SPMAP2L: variants seen among roughly 807,000 people sequenced by gnomAD.
SPMAP2L encodes sperm microtubule associated protein 2 like, also known as sperm microtubule associated protein 2-like.
chr4:56,617,596 C>T, the SPMAP2L span, among the ~76,000 whole-genome samples: 3 of 152,086 alleles, frequency 2.0e-5, no homozygotes, highest in African/African-American at 4.8e-5. Context: ...CTAGGGGTGC[C>T]GTTTACAGCT....
chr4:56,532,407 C>G, the SPMAP2L span, among the ~76,000 whole-genome samples: 2 of 151,316 alleles, frequency 1.3e-5, no homozygotes, highest in Non-Finnish European at 2.9e-5. Context: ...TTCACTTATG[C>G]TTTAGATACC....
At chr4:56,568,933 CTTCTT>C in the SPMAP2L span, among the ~76,000 whole-genome samples, 1 of 152,150 alleles carries the variant, frequency 6.6e-6, no homozygotes, top group East Asian at 1.9e-4. Context: ...TTGTGACTGT[CTTCTT>C]TTGCTTAGCA....
At chr4:56,554,910 T>C in the SPMAP2L span, among the ~76,000 whole-genome samples, 2 of 151,660 alleles carry the variant, frequency 1.3e-5, no homozygotes, top group Non-Finnish European at 2.9e-5. Flanking sequence ...GTTGTTCCAG[T>C]ACCATTTGTT....
the SPMAP2L span, among the ~76,000 whole-genome samples, chr4:56,611,068 T>C: frequency 2.0e-5 from 3 of 152,322 alleles, no homozygotes; most frequent in African/African-American, 7.2e-5. Flanking sequence ...AGAACTATCA[T>C]TTGATCCAGC....
chr4:56,595,764 C>A, the SPMAP2L span: 16 of 825,322 alleles, frequency 1.9e-5, 1 homozygote, highest in Admixed American at 2.5e-4. Flanking sequence ...GTGCCTCTCC[C>A]CAGAGCATTT....
chr4:56,587,294 A>AT, the SPMAP2L span, among the ~76,000 whole-genome samples: 1 of 150,974 alleles, frequency 6.6e-6, no homozygotes. Flanking sequence ...TGATTGATTG[A>AT]TTTCTTCATT....
the SPMAP2L span, among the ~76,000 whole-genome samples, chr4:56,589,140 C>G: frequency 1.3e-5 from 2 of 152,180 alleles, no homozygotes; most frequent in East Asian, 1.9e-4. Context: ...AGGCGCCCAC[C>G]ACCACACCTG....
At chr4:56,560,781 T>G in the SPMAP2L span, among the ~76,000 whole-genome samples, 1 of 152,210 alleles carries the variant, frequency 6.6e-6, no homozygotes, top group African/African-American at 2.4e-5. Context: ...AGTCTTGCTC[T>G]GTTACTCAGG....
At chr4:56,533,612 A>G in the SPMAP2L span, among the ~76,000 whole-genome samples, 4 of 152,038 alleles carry the variant, frequency 2.6e-5, no homozygotes, top group African/African-American at 7.2e-5. Context: ...CTCCTGCATC[A>G]TTGTATTCCT....
At chr4:56,557,100 T>G in the SPMAP2L span, among the ~76,000 whole-genome samples, 2 of 150,952 alleles carry the variant, frequency 1.3e-5, no homozygotes, top group Admixed American at 6.6e-5. Context: ...AATACAAAAA[T>G]TAGCCAGGCA....
the SPMAP2L span, among the ~76,000 whole-genome samples, chr4:56,599,016 C>T: frequency 6.6e-6 from 1 of 152,056 alleles, no homozygotes; most frequent in Admixed American, 6.6e-5. Context: ...CCTCCTTTGC[C>T]TTCCGCCATG....
At chr4:56,537,929 G>A in the SPMAP2L span, among the ~76,000 whole-genome samples, 1 of 152,076 alleles carries the variant, frequency 6.6e-6, no homozygotes, top group East Asian at 1.9e-4. Context: ...TCCTGACCTT[G>A]TGATCTGCCC....
the SPMAP2L span, among the ~76,000 whole-genome samples, chr4:56,567,458 T>G: frequency 2.1e-5 from 3 of 143,104 alleles, no homozygotes; most frequent in Admixed American, 7.0e-5. Context: ...TTTTTTTTTT[T>G]TTTTTTTTTT....
At chr4:56,549,623 G>A in the SPMAP2L span, among the ~76,000 whole-genome samples, 1 of 152,224 alleles carries the variant, frequency 6.6e-6, no homozygotes, top group Non-Finnish European at 1.5e-5. Flanking sequence ...CAGAATACAG[G>A]TTGAGCATCC....
chr4:56,569,479 A>G, the SPMAP2L span, among the ~76,000 whole-genome samples: 1 of 151,172 alleles, frequency 6.6e-6, no homozygotes, highest in African/African-American at 2.4e-5. Context: ...TCCTTTGTCC[A>G]TTTTTGAGGC....
chr4:56,536,541 G>T, the SPMAP2L span, among the ~76,000 whole-genome samples: 1 of 152,130 alleles, frequency 6.6e-6, no homozygotes, highest in Non-Finnish European at 1.5e-5. Flanking sequence ...TTCATCCTTA[G>T]TGCCTCAAGC....
chr4:56,608,721 C>T, the SPMAP2L span, among the ~76,000 whole-genome samples: 1 of 152,158 alleles, frequency 6.6e-6, no homozygotes, highest in African/African-American at 2.4e-5. Context: ...GAGAATAGGG[C>T]CACCCTTGTG....
chr4:56,538,795 T>C, the SPMAP2L span, among the ~76,000 whole-genome samples: 2 of 152,126 alleles, frequency 1.3e-5, no homozygotes, highest in Admixed American at 1.3e-4. Flanking sequence ...AGAGCAAGAC[T>C]CCATCTCAAA....
the SPMAP2L span, among the ~76,000 whole-genome samples, chr4:56,543,949 A>G: frequency 1.7e-5 from 2 of 115,800 alleles, no homozygotes; most frequent in East Asian, 2.5e-4. Context: ...AGAGAGAGAG[A>G]GTGTGTGTGT....
Sources: allele counts gnomAD v4.1 joint callset (sites outside exome capture counted in the v4.1 genomes callset), GRCh38; gene constraint gnomAD v4.1.1; transcripts MANE v1.5; gene names NCBI Gene and HGNC (gene_info 2026-07-23, HGNC 2026-07-21).